GABRA5: variants seen among roughly 807,000 people sequenced by gnomAD.
The protein encoded by GABRA5 is gamma-aminobutyric acid type A receptor subunit alpha5, also known as gamma-aminobutyric acid receptor subunit alpha-5.
A neutral mutation model predicts 47.3 loss-of-function variants in GABRA5; 18 were observed. The ratio of observed to expected loss-of-function variants is 0.38; its 90% CI spans 0.26 to 0.56. The LOEUF is 0.56. Among genes scored for constraint, GABRA5 ranks in the 20% least tolerant of loss-of-function variants. The pLI is 0.71. For missense variants in GABRA5, 365 were observed against 599.3 expected, an observed-to-expected ratio of 0.61 and a Z score of 4.08; for synonymous variants, 237 against 229.3, an observed-to-expected ratio of 1.03 and a Z score of -0.30.
At chr15:26,893,389 G>A (rs1243423667) in intron 6 of GABRA5, among the ~76,000 whole-genome samples, 2 of 59,272 alleles carry the variant, frequency 3.4e-5, no homozygotes, top group Admixed American at 3.4e-4. Flanking sequence ...ACTATATGGA[G>A]TATGTGTATG....
At chr15:26,942,938 G>T (rs1894418931) in intron 9 of GABRA5, among the ~76,000 whole-genome samples, 1 of 152,052 alleles carries the variant, frequency 6.6e-6, no homozygotes, top group African/African-American at 2.4e-5. Context: ...ACAGAAATTA[G>T]CCAGGTGTGG....
intron 9 of GABRA5, among the ~76,000 whole-genome samples, chr15:26,942,238 T>A (rs1253965468): frequency 6.6e-6 from 1 of 152,200 alleles, no homozygotes; most frequent in African/African-American, 2.4e-5. Context: ...GACGAGAGTC[T>A]GACACTCAGT....
chr15:26,913,816 C>G (rs1337516238), intron 6 of GABRA5, among the ~76,000 whole-genome samples: 3 of 152,156 alleles, frequency 2.0e-5, no homozygotes, highest in African/African-American at 7.2e-5. Context: ...GCTTCCTACA[C>G]AACAGAGCCC....
Position 26,883,646 on chromosome 15 carries a change from C to A in GABRA5, c.497+89C>A. 3 of 1,059,388 alleles carry A rather than the reference C, an allele frequency of 2.8e-6. No homozygotes were observed. The highest frequency in any genetic ancestry group is 4.0e-6 in the Non-Finnish European group (3 of 759,268). The allele number at this position is 1,059,388 out of a possible 1,614,324, so 65.6% of individuals were successfully genotyped here. On this transcript the variant is annotated intron_variant, in intron 6 of 10. Coordinates refer to ENST00000335625, the MANE Select transcript of GABRA5 (RefSeq NM_000810.4). The surrounding 1 kb of genome is among the most constrained non-coding windows in gnomAD (Gnocchi z 4.8). ...CTGCCGCAAGAGCTGCGCCGCGGAGCTGTTCTGACCATAGGTCTGAGACTG... is the reference window on the plus strand; with the variant it reads ...CTGCCGCAAGAGCTGCGCCGCGGAGATGTTCTGACCATAGGTCTGAGACTG...
chr15:26,925,656 A>T lies in GABRA5; in HGVS notation c.580+10771A>T, dbSNP rs1199811750. Among the ~76,000 whole-genome samples the T allele has an allele frequency of 4.0e-4, 61 of 152,090 alleles. 2 individuals are homozygous for T. The highest frequency in any genetic ancestry group is 1.9e-4 in the East Asian group (1 of 5,204). ...ATCCTATTGGGATTAGTCTGCACTG[A>T]TTGCGTTTTCTCTTGAGCACAGGTC... On this transcript the variant is annotated intron_variant, in intron 7 of 10. Coordinates refer to ENST00000335625, the MANE Select transcript of GABRA5 (RefSeq NM_000810.4).
At chr15:26,944,916 G>A (rs139398772) in intron 10 of GABRA5, among the ~76,000 whole-genome samples, 1 of 152,148 alleles carries the variant, frequency 6.6e-6, no homozygotes, top group Non-Finnish European at 1.5e-5. Flanking sequence ...CCGGGTGAAT[G>A]GAGAGAGCAC....
intron 6 of GABRA5, among the ~76,000 whole-genome samples, chr15:26,903,848 C>G (rs1294287008): frequency 5.9e-5 from 9 of 151,292 alleles, no homozygotes; most frequent in Non-Finnish European, 1.3e-4. Flanking sequence ...CTTATAGATT[C>G]TGGATATTAG....
intron 9 of GABRA5, among the ~76,000 whole-genome samples, chr15:26,940,398 C>G (rs1395201485): frequency 6.6e-6 from 1 of 152,072 alleles, no homozygotes. Flanking sequence ...ATTCCTTATC[C>G]CAAATGCTTG....
At chr15:26,892,237 A>G (rs1466122486) in intron 6 of GABRA5, among the ~76,000 whole-genome samples, 1 of 152,264 alleles carries the variant, frequency 6.6e-6, no homozygotes, top group African/African-American at 2.4e-5. Context: ...ATTAAGGTCG[A>G]AAAACATTAA....
In GABRA5 at chr15:26,943,321, T is replaced by C; in HGVS notation, c.984T>C (p.Tyr328=). ...TGGACTGGTTCATAGCCGTGTGCTATGCCTTCGTCTTCTCGGCGCTGATAG... is the reference window on the plus strand; with the variant it reads ...TGGACTGGTTCATAGCCGTGTGCTACGCCTTCGTCTTCTCGGCGCTGATAG... The part of the protein sequence containing the change: ...TAMDWFIAVC[Y]AFVFSALIEF... The change falls in exon 10 of 11, where the codon TAT becomes TAC. Residue 328 remains tyrosine, a synonymous_variant. Coordinates refer to ENST00000335625, the MANE Select transcript of GABRA5 (RefSeq NM_000810.4). 6.3e-7 allele frequency: 1 copy of C among 1,591,304 alleles called. No homozygotes were observed. The highest frequency in any genetic ancestry group is 1.1e-5 in the South Asian group (1 of 87,030).
intron 6 of GABRA5, among the ~76,000 whole-genome samples, chr15:26,891,976 A>T (rs930736623): frequency 1.6e-4 from 25 of 152,236 alleles, no homozygotes; most frequent in African/African-American, 6.0e-4. Context: ...AACGTTGGCC[A>T]AGCGCACCGG....
intron 7 of GABRA5, 61 bp from the exon 8 acceptor site, chr15:26,937,122 CTG>C: frequency 6.3e-7 from 1 of 1,580,046 alleles, no homozygotes; most frequent in Non-Finnish European, 8.7e-7. Context: ...GTAAAAGCTT[CTG>C]TGTTTTCCAG....
rs780101118 is a variant in GABRA5, at chr15:26,883,575, G to A, written c.497+18G>A. 9 of 1,521,252 alleles carry A rather than the reference G, an allele frequency of 5.9e-6. No individual in the cohort carries two copies. Among genetic ancestry groups the A allele is most frequent in the South Asian group, 2.4e-5 (2 of 84,834 alleles). The allele number at this position is 1,521,252 out of a possible 1,614,324, so 94.2% of individuals were successfully genotyped here. A position where few individuals can be genotyped will look rare whatever the true frequency, so the allele number is the denominator to read the frequency against. On this transcript the variant is annotated intron_variant, in intron 6 of 10. Coordinates refer to ENST00000335625, the MANE Select transcript of GABRA5 (RefSeq NM_000810.4). This position sits in a 1 kb window ranked among gnomAD's most constrained non-coding sequence, Gnocchi z 4.8. Reference sequence around the variant, plus strand: ...ACCATGCGGTGAGCGCCGGGCGGGGGCGGGCGGGGCCGGGGGACGGTGCGG... The same window carrying A: ...ACCATGCGGTGAGCGCCGGGCGGGGACGGGCGGGGCCGGGGGACGGTGCGG...
At chr15:26,932,504 T>A (rs139925778) in intron 7 of GABRA5, among the ~76,000 whole-genome samples, 4 of 152,328 alleles carry the variant, frequency 2.6e-5, no homozygotes, top group Non-Finnish European at 5.9e-5. Context: ...GGAATGAGTT[T>A]ACACTGTTGG....
At chr15:26,944,047 G>A (rs1243620633) in intron 10 of GABRA5, among the ~76,000 whole-genome samples, 2 of 152,214 alleles carry the variant, frequency 1.3e-5, no homozygotes, top group African/African-American at 4.8e-5. Flanking sequence ...TGTGGTGAAC[G>A]GCTAATTTCG....
intron 6 of GABRA5, among the ~76,000 whole-genome samples, chr15:26,891,758 G>T (rs1447040555): frequency 6.6e-6 from 1 of 152,200 alleles, no homozygotes; most frequent in African/African-American, 2.4e-5. Context: ...CAGCCAGCCT[G>T]CACCCACCAC....
chr15:26,934,895 G>A (rs180898019), intron 7 of GABRA5, among the ~76,000 whole-genome samples: 3 of 152,328 alleles, frequency 2.0e-5, no homozygotes, highest in South Asian at 4.1e-4. Flanking sequence ...GAAGGAAAAC[G>A]GTGATGAATT....
Position 26,914,836 on chromosome 15 carries a change from T to A in GABRA5, c.531T>A (p.Leu177=). The part of the protein sequence containing the change: ...LTISAECPMQ[L]EDFPMDAHAC... The stretch of plus-strand genomic sequence containing the variant: ...TCTCTGCAGAGTGCCCCATGCAGCT[T>A]GAGGACTTCCCGATGGATGCGCACG... The change falls in exon 7 of 11, where the codon CTT becomes CTA. Residue 177 remains leucine, a synonymous_variant. Transcript: ENST00000335625. 1 of 1,614,044 alleles carries A rather than the reference T, an allele frequency of 6.2e-7. No homozygotes were observed. Among genetic ancestry groups the A allele is most frequent in the Non-Finnish European group, 8.5e-7 (1 of 1,179,906 alleles).
At chr15:26,943,804 A>G (rs1894446448) in intron 10 of GABRA5, among the ~76,000 whole-genome samples, 1 of 152,126 alleles carries the variant, frequency 6.6e-6, no homozygotes, top group African/African-American at 2.4e-5. Flanking sequence ...CACCAATGTA[A>G]TGGAAGGAGT....
Sources: gnomAD v4.1 joint callset for allele counts (sites outside exome capture counted in the v4.1 genomes callset) on GRCh38, gnomAD v4.1.1 for gene constraint, Gnocchi (gnomAD v3.1) non-coding constraint, MANE v1.5 for transcripts, NCBI Gene and HGNC (gene_info 2026-07-23, HGNC 2026-07-21) for gene names.